ENDOV: variants seen among roughly 807,000 people sequenced by gnomAD.
The protein encoded by ENDOV is endonuclease V, also known as hEndoV.
In ENDOV, 37 loss-of-function variants were observed where a neutral mutation model predicts 39.4. The ratio of observed to expected loss-of-function variants is 0.94; its 90% CI spans 0.72 to 1.23. The LOEUF is 1.23. Ranked by LOEUF, ENDOV falls within the 50% of genes most tolerant of loss-of-function variation. The pLI, the probability that ENDOV is intolerant of heterozygous loss-of-function variation, is 0.00. For missense variants in ENDOV, 441 were observed against 375.7 expected (o/e 1.17, Z -1.44); for synonymous variants, 186 against 163.4 (o/e 1.14, Z -1.05).
Position 80,415,193 on chromosome 17 carries a change from C to T in ENDOV, c.-2C>T, listed in dbSNP as rs919833257. On this transcript the variant is annotated 5_prime_UTR_variant, in exon 1 of 10. Transcript: ENST00000518137. Reference sequence around the variant, plus strand: ...TGCGGAAGGGGTGCCCGGGACGAAGCCATGGCCCTGGAGGCGGCGGGAGGG... The same window carrying T: ...TGCGGAAGGGGTGCCCGGGACGAAGTCATGGCCCTGGAGGCGGCGGGAGGG... 2 of 1,613,096 alleles carry T rather than the reference C, an allele frequency of 1.2e-6. No individual in the cohort carries two copies. The highest frequency in any genetic ancestry group is 2.7e-5 in the African/African-American group (2 of 74,936).
chr17:80,423,416 C>T (rs532340771), intron 4 of ENDOV, 104 bp from the exon 5 acceptor site: 1 of 1,123,176 alleles, frequency 8.9e-7, no homozygotes, highest in Non-Finnish European at 1.3e-6. Context: ...GTCCACAGAC[C>T]TCTGCTCACT....
At chr17:80,421,554 C>G (rs1274209486) in intron 2 of ENDOV, among the ~76,000 whole-genome samples, 2 of 130,616 alleles carry the variant, frequency 1.5e-5, no homozygotes, top group African/African-American at 6.0e-5. Flanking sequence ...TGCTACAGAC[C>G]AGGTCCCGGG....
At chr17:80,416,734 C>CCCTT (rs1217248737) in intron 2 of ENDOV, among the ~76,000 whole-genome samples, 4 of 132,632 alleles carry the variant, frequency 3.0e-5, no homozygotes, top group African/African-American at 8.5e-5. Flanking sequence ...CTTCCTTCCT[C>CCCTT]CCTTCCTTCC....
At chr17:80,433,205 T>G (rs1383193945) in intron 9 of ENDOV, 2 of 520,072 alleles carry the variant, frequency 3.8e-6, no homozygotes, top group Non-Finnish European at 7.7e-6. Flanking sequence ...TCTTCCAGGC[T>G]GGCCTTGAGC....
intron 1 of ENDOV, 175 bp from the exon 2 acceptor site, chr17:80,415,475 G>T: frequency 2.0e-6 from 2 of 1,022,394 alleles, no homozygotes; most frequent in Non-Finnish European, 2.8e-6. Flanking sequence ...CTGCGCTTGC[G>T]CGGGTCTCCG....
chr17:80,419,637 C>T (rs919753477), intron 2 of ENDOV: 27 of 702,830 alleles, frequency 3.8e-5, no homozygotes, highest in Admixed American at 2.8e-4. Flanking sequence ...TTCTGCTTGT[C>T]AGCCCTTCTG....
intron 2 of ENDOV, chr17:80,416,237 CAAAAA>C (rs35746247): frequency 4.4e-5 from 3 of 68,526 alleles, no homozygotes; most frequent in South Asian, 5.3e-4. Context: ...AACTCCATCT[CAAAAA>C]AAAAAAAAAA....
Position 80,437,520 on chromosome 17 carries a change from G to A in ENDOV, c.*1377G>A, listed in dbSNP as rs1568263859. 1 of 152,704 alleles carries A rather than the reference G, an allele frequency of 6.5e-6. No homozygotes were observed. The highest frequency in any genetic ancestry group is 1.5e-5 in the Non-Finnish European group (1 of 68,086). 9.5% of individuals were successfully genotyped at this position (152,704 alleles called of 1,614,324 possible). On this transcript the variant is annotated 3_prime_UTR_variant, in exon 10 of 10. Transcript: ENST00000518137. ...TCCGAACCCTAAATGGGTGAGAGTT[G>A]AAATGAAAGCGGCACCTGTAGTCCG...
Position 80,423,491 on chromosome 17 carries a change from C to G in ENDOV, c.404-29C>G, listed in dbSNP as rs2144966859. 5 of 1,523,316 alleles carry G rather than the reference C, an allele frequency of 3.3e-6. No homozygotes were observed. In the Middle Eastern group the frequency reaches 6.8e-4, roughly 207 times the overall value. The allele number at this position is 1,523,316 out of a possible 1,614,324, so 94.4% of individuals were successfully genotyped here. On this transcript the variant is annotated intron_variant, in intron 4 of 9. Transcript: ENST00000518137. ...TGTGCCAGGCCCCAGCCCCACCTCCCCAACCCCACCCTCCTTTCTCTCTGG... is the reference window on the plus strand; with the variant it reads ...TGTGCCAGGCCCCAGCCCCACCTCCGCAACCCCACCCTCCTTTCTCTCTGG...
intron 9 of ENDOV, among the ~76,000 whole-genome samples, chr17:80,435,869 G>T (rs1012406780): frequency 1.3e-5 from 2 of 151,696 alleles, no homozygotes; most frequent in Admixed American, 6.6e-5. Context: ...ACCTGCCTCA[G>T]CCTCCCAAAG....
In ENDOV at chr17:80,436,385, C is replaced by A; in HGVS notation, c.*242C>A. 6.9e-7 allele frequency: 1 copy of A among 1,441,900 alleles called. No homozygotes were observed. The highest frequency in any genetic ancestry group is 9.2e-7 in the Non-Finnish European group (1 of 1,087,940). The allele number at this position is 1,441,900 out of a possible 1,614,324, so 89.3% of individuals were successfully genotyped here. On this transcript the variant is annotated 3_prime_UTR_variant, in exon 10 of 10. Coordinates refer to ENST00000518137, the MANE Select transcript of ENDOV (RefSeq NM_173627.5). Reference sequence around the variant, plus strand: ...AGGGAACGTTTGCAGTCTTTCACCACTAGATGTGATGTGAGCTGTTAGATT... The same window carrying A: ...AGGGAACGTTTGCAGTCTTTCACCAATAGATGTGATGTGAGCTGTTAGATT...
rs41301876 is a variant in ENDOV, at chr17:80,430,001, G to T, written c.838+170G>T. 2.0e-6 allele frequency: 3 copies of T among 1,538,010 alleles called. No individual in the cohort carries two copies. In the East Asian group the frequency reaches 7.3e-5, roughly 38 times the overall value. ...CCTCAGGACACTGACCACCCCTGGG[G>T]GTGGTCTAGGGACTTAGGGGAACCT... On this transcript the variant is annotated intron_variant, in intron 9 of 9. Transcript: ENST00000518137.
At chr17:80,433,055 TCACTGGCATTCC>T (rs2083424179) in intron 9 of ENDOV, 1 of 516,712 alleles carries the variant, frequency 1.9e-6, no homozygotes, top group South Asian at 1.4e-5. Flanking sequence ...CTCTCCACAC[TCACTGGCATTCC>T]CACAGAATGC....
At chr17:80,429,399 A>T (rs952601958) in intron 8 of ENDOV, among the ~76,000 whole-genome samples, 6 of 152,302 alleles carry the variant, frequency 3.9e-5, no homozygotes, top group African/African-American at 1.4e-4. Context: ...CCCACTCCCT[A>T]GGCAAAGATC....
At chr17:80,422,007 C>A (rs780985400) in intron 3 of ENDOV, 45 bp downstream of exon 3, 19 of 1,597,444 alleles carry the variant, frequency 1.2e-5, no homozygotes, top group Non-Finnish European at 1.5e-5. Context: ...CCTCCTTCCC[C>A]CTGGGGGAGG....
Position 80,415,630 on chromosome 17 carries a change from T to G in ENDOV, c.57-20T>G, listed in dbSNP as rs775598938. 2 of 1,609,232 alleles carry G rather than the reference T, an allele frequency of 1.2e-6. No homozygotes were observed. Among genetic ancestry groups the G allele is most frequent in the Non-Finnish European group, 1.7e-6 (2 of 1,177,848 alleles). ...TCTGAGGTGTGACCCCGACCAAGTT[T>G]GACGCTTCTGTCCTCCTAGGGAGCA... is the stretch of plus-strand genomic sequence containing the variant. On this transcript the variant is annotated intron_variant, in intron 1 of 9. Transcript: ENST00000518137.
intron 9 of ENDOV, chr17:80,430,479 A>T (rs2083265339): frequency 1.1e-6 from 1 of 933,176 alleles, no homozygotes; most frequent in African/African-American, 1.7e-5. Context: ...AGCCACACTG[A>T]ACCACCTCTG....
chr17:80,431,450 C>T (rs1190993847), intron 9 of ENDOV, among the ~76,000 whole-genome samples: 1 of 146,666 alleles, frequency 6.8e-6, no homozygotes, highest in Non-Finnish European at 1.6e-5. Context: ...ACAAGTGGGG[C>T]TGGGGGGAGC....
At chr17:80,425,214 C>G (rs1210915802) in intron 6 of ENDOV, 114 bp downstream of exon 6, 3 of 943,564 alleles carry the variant, frequency 3.2e-6, no homozygotes, top group Non-Finnish European at 4.8e-6. Flanking sequence ...ATCAACCCCC[C>G]GCCTGCCCGT....
Sources: gnomAD v4.1 joint callset for allele counts (sites outside exome capture counted in the v4.1 genomes callset) on GRCh38, gnomAD v4.1.1 for gene constraint, MANE v1.5 for transcripts, NCBI Gene and HGNC (gene_info 2026-07-23, HGNC 2026-07-21) for gene names.